The following SATL1 variants were observed in gnomAD, a reference collection of about 807,000 sequenced individuals.
The protein encoded by SATL1 is spermidine/spermine N(1)-acetyltransferase-like protein 1.
A neutral mutation model predicts 51.8 loss-of-function variants in SATL1; 47 were observed. The ratio of observed to expected loss-of-function variants is 0.91; its 90% CI spans 0.72 to 1.16. SATL1 has a LOEUF of 1.16. Among genes scored for constraint, SATL1 ranks in the 50% most tolerant of loss-of-function variants. The pLI, the probability that SATL1 is intolerant of heterozygous loss-of-function variation, is 0.00. For missense variants in SATL1, 520 were observed against 526.4 expected (o/e 0.99, Z 0.12); for synonymous variants, 176 against 182.4 (o/e 0.97, Z 0.28).
chrX:85,194,938 G>C (rs1927522614), intron 2 of SATL1, among the ~76,000 whole-genome samples: 1 of 109,020 alleles, frequency 9.2e-6, no homozygotes, highest in Non-Finnish European at 1.9e-5. Flanking sequence ...TGAGTTGCTG[G>C]GTGCAGCAAA....
In SATL1 at chrX:85,094,999, GA is replaced by G. The variant is rs1292897787; in HGVS notation, c.1694-4del. On this transcript the variant is annotated splice_polypyrimidine_tract_variant and splice_region_variant and intron_variant, in intron 4 of 7. Transcript: ENST00000644105. ...CCCAAAGCCATCTCTGAGTAAATCT[GA>G]AATATCAATTCATATATAGGATGTC... is the stretch of plus-strand genomic sequence containing the variant. 9.4e-7 allele frequency: 1 copy of G among 1,061,478 alleles called. No homozygotes were observed. The highest frequency in any genetic ancestry group is 1.8e-5 in the African/African-American group (1 of 55,380). The allele number at this position is 1,061,478 out of a possible 1,213,427, so 87.5% of individuals were successfully genotyped here.
chrX:85,230,044 T>C (rs1409368474), intron 1 of SATL1, among the ~76,000 whole-genome samples: 4 of 111,524 alleles, frequency 3.6e-5, no homozygotes, highest in Non-Finnish European at 7.5e-5. Context: ...AAAATCCCAA[T>C]GACATTTTTT....
At position 85,116,265 on chromosome X, in the gene SATL1, A is replaced by G. The variant is rs1432494532; in HGVS notation, c.-312-6985T>C. The G allele has an allele frequency of 7.1e-5, 8 of 111,941 alleles. No individual in the cohort carries two copies. In the East Asian group the frequency reaches 2.0e-3, roughly 28 times the overall value. 9.2% of individuals were successfully genotyped at this position (111,941 alleles called of 1,213,427 possible). On this transcript the variant is annotated intron_variant, in intron 2 of 7. Transcript: ENST00000644105. ...TAAGGCAGAAGGAGAGACTGAGGCA[A>G]ATTTTAGAGCAGCAATGAAAGTTTA...
chrX:85,128,370 T>C (rs1345628572), intron 2 of SATL1, among the ~76,000 whole-genome samples: 2 of 112,077 alleles, frequency 1.8e-5, no homozygotes, highest in African/African-American at 6.5e-5. Context: ...CTCATTGTGG[T>C]TTTGATTTGC....
chrX:85,144,664 A>G (rs766188922), intron 2 of SATL1, among the ~76,000 whole-genome samples: 2 of 111,950 alleles, frequency 1.8e-5, no homozygotes, highest in East Asian at 2.8e-4. Flanking sequence ...ATCAGGGAGG[A>G]GACACTGCAG....
rs775835224 is a variant in SATL1, at chrX:85,224,326, T to A, written c.-434A>T. The A allele has an allele frequency of 1.8e-5, 2 of 111,562 alleles. No homozygotes were observed. The highest frequency in any genetic ancestry group is 7.6e-4 in the South Asian group (2 of 2,629). 9.2% of individuals were successfully genotyped at this position (111,562 alleles called of 1,213,427 possible). A position where few individuals can be genotyped will look rare whatever the true frequency, so the allele number is the denominator to read the frequency against. The stretch of plus-strand genomic sequence containing the variant: ...GTCTATGTCTCCTCTTCTGCCTGTA[T>A]CTTAACAGATAAGCAAGATCTTTAT... On this transcript the variant is annotated splice_region_variant and 5_prime_UTR_variant, in exon 2 of 8. Coordinates refer to ENST00000644105, the MANE Select transcript of SATL1 (RefSeq NM_001367857.2).
chrX:85,092,617 AAC>A (rs1383284999), intron 7 of SATL1, 56 bp from the exon 8 acceptor site: 48 of 1,055,336 alleles, frequency 4.5e-5, no homozygotes, highest in South Asian at 2.3e-4. Context: ...AATCTTCGTT[AAC>A]ACATATATTT....
intron 1 of SATL1, among the ~76,000 whole-genome samples, chrX:85,242,776 C>T (rs1928652966): frequency 9.0e-6 from 1 of 111,652 alleles, no homozygotes; most frequent in African/African-American, 3.3e-5. Flanking sequence ...AATCTCTTAT[C>T]TATCTATTTA....
At chrX:85,138,520 A>G (rs761029545) in intron 2 of SATL1, among the ~76,000 whole-genome samples, 56 of 111,223 alleles carry the variant, frequency 5.0e-4, no homozygotes, top group Non-Finnish European at 9.8e-4. Context: ...TTTTGTTTTT[A>G]ACTCCCAAGC....
intron 2 of SATL1, chrX:85,209,930 T>G (rs1424496473): frequency 9.1e-6 from 1 of 110,124 alleles, no homozygotes; most frequent in Non-Finnish European, 1.9e-5. Flanking sequence ...AATGTCAGGG[T>G]GTCAATTTTA....
At chrX:85,217,833 CCTT>C (rs1478932827) in intron 2 of SATL1, among the ~76,000 whole-genome samples, 1 of 111,875 alleles carries the variant, frequency 8.9e-6, no homozygotes, top group Non-Finnish European at 1.9e-5. Flanking sequence ...TCCCCAAACT[CCTT>C]CTGAAACACC....
chrX:85,219,275 TGTGA>T (rs1928121979), intron 2 of SATL1: 1 of 112,424 alleles, frequency 8.9e-6, no homozygotes, highest in Non-Finnish European at 1.9e-5. Context: ...AATAAAACAC[TGTGA>T]GTATGAATTA....
chrX:85,129,974 G>A (rs898051192), intron 2 of SATL1, among the ~76,000 whole-genome samples: 3 of 111,682 alleles, frequency 2.7e-5, no homozygotes, highest in Admixed American at 9.6e-5. Context: ...TGTTGAACAG[G>A]CGTGCATCCT....
At chrX:85,119,773 G>A (rs1265133579) in intron 2 of SATL1, among the ~76,000 whole-genome samples, 1 of 111,169 alleles carries the variant, frequency 9.0e-6, no homozygotes, top group Non-Finnish European at 1.9e-5. Flanking sequence ...ATACTTTAAG[G>A]AGAATCAGAG....
intron 2 of SATL1, chrX:85,212,974 T>C (rs934341233): frequency 1.4e-4 from 16 of 111,833 alleles, no homozygotes; most frequent in Non-Finnish European, 2.1e-4. Flanking sequence ...TCAAGACAAA[T>C]GTTCAGGAAG....
intron 2 of SATL1, among the ~76,000 whole-genome samples, chrX:85,213,474 G>A (rs1409964084): frequency 8.9e-6 from 1 of 112,055 alleles, no homozygotes; most frequent in Non-Finnish European, 1.9e-5. Context: ...TTCTTGATAA[G>A]TGCAATGAAT....
intron 2 of SATL1, among the ~76,000 whole-genome samples, chrX:85,156,816 TATATA>T (rs1926601091): frequency 0.01 from 3 of 287 alleles, no homozygotes; most frequent in African/African-American, 0.02. Context: ...GTGGAGATTA[TATATA>T]TATATATATA....
intron 1 of SATL1, among the ~76,000 whole-genome samples, chrX:85,240,349 C>T (rs66616651): frequency 0.13 from 14,409 of 111,100 alleles, 712 homozygotes; most frequent in South Asian, 0.18. Flanking sequence ...GTTCAGGTGA[C>T]GACGGCCTGA....
chrX:85,119,631 A>G (rs898774016), intron 2 of SATL1, among the ~76,000 whole-genome samples: 1 of 111,429 alleles, frequency 9.0e-6, no homozygotes, highest in African/African-American at 3.3e-5. Flanking sequence ...TAAAAATATC[A>G]GTTGACAATG....
Sources: gnomAD v4.1 joint callset for allele counts (sites outside exome capture counted in the v4.1 genomes callset) on GRCh38, gnomAD v4.1.1 for gene constraint, MANE v1.5 for transcripts, NCBI Gene and HGNC (gene_info 2026-07-23, HGNC 2026-07-21) for gene names.